The following KLF15 variants were observed in gnomAD, a reference collection of about 807,000 sequenced individuals.
KLF15 encodes Krueppel-like factor 15.
In KLF15, 4 loss-of-function variants were observed where a neutral mutation model predicts 24.6. That is an observed-to-expected ratio of 0.16 (90% CI 0.08 to 0.37). The LOEUF (loss-of-function observed/expected upper bound fraction) is 0.37, where lower values mean the gene tolerates loss of function less well. Among genes scored for constraint, KLF15 ranks in the 10% least tolerant of loss-of-function variants. The probability of loss-of-function intolerance (pLI) is 1.00; values close to 1 mark genes in which losing one functional copy is unlikely to be tolerated. For synonymous variants in KLF15, 246 were observed against 236.3 expected, an observed-to-expected ratio of 1.04 and a Z score of -0.37; for missense variants, 496 against 560.6, an observed-to-expected ratio of 0.88 and a Z score of 1.16.
At chr3:126,328,711 C>T in the KLF15 span, among the ~76,000 whole-genome samples, 2 of 152,162 alleles carry the variant, frequency 1.3e-5, no homozygotes, top group Non-Finnish European at 2.9e-5. Flanking sequence ...TAACTCTTTC[C>T]CCCATGCTTG....
the KLF15 span, among the ~76,000 whole-genome samples, chr3:126,299,993 G>C: frequency 9.9e-3 from 1,501 of 152,216 alleles, 70 homozygotes; most frequent in Admixed American, 0.087. Context: ...AACTCATATG[G>C]GGTGTACGTG....
the KLF15 span, among the ~76,000 whole-genome samples, chr3:126,333,553 T>C: frequency 4.1e-5 from 5 of 123,148 alleles, no homozygotes; most frequent in Admixed American, 1.7e-4. Context: ...AATGACAGGA[T>C]CAAATTCACA....
chr3:126,321,624 G>A, the KLF15 span, among the ~76,000 whole-genome samples: 1 of 152,244 alleles, frequency 6.6e-6, no homozygotes, highest in Non-Finnish European at 1.5e-5. Flanking sequence ...AACCCTGGAG[G>A]CCCCCTGTGC....
At chr3:126,333,886 T>A in the KLF15 span, among the ~76,000 whole-genome samples, 30 of 147,720 alleles carry the variant, frequency 2.0e-4, no homozygotes, top group Non-Finnish European at 3.8e-4. Context: ...CCTAAATATA[T>A]ATGCACCCAA....
At chr3:126,315,624 TCA>T in the KLF15 span, among the ~76,000 whole-genome samples, 2 of 152,148 alleles carry the variant, frequency 1.3e-5, no homozygotes, top group Non-Finnish European at 2.9e-5. Flanking sequence ...GCACACACTC[TCA>T]CAGCTCACAG....
At chr3:126,314,713 G>A in the KLF15 span, among the ~76,000 whole-genome samples, 3 of 152,232 alleles carry the variant, frequency 2.0e-5, no homozygotes, top group East Asian at 1.9e-4. Context: ...GAACAGAGGC[G>A]AAGTCCAGGG....
Position 126,356,389 on chromosome 3 carries a change from G to C in KLF15, c.-26+848C>G, listed in dbSNP as rs908299504. The stretch of plus-strand genomic sequence containing the variant: ...AAAACAGCCCCTCTGTGCCCTCCGT[G>C]AGAGGGGGGTTCCATGAGTAACACC... On this transcript the variant is annotated intron_variant, in intron 1 of 2. Transcript: ENST00000296233. This position sits in a 1 kb window ranked among gnomAD's most constrained non-coding sequence, Gnocchi z 4.4. 6.6e-6 allele frequency among the ~76,000 whole-genome samples: 1 copy of C among 152,134 alleles called. No homozygotes were observed. Among genetic ancestry groups the C allele is most frequent in the Non-Finnish European group, 1.5e-5 (1 of 68,020 alleles).
At chr3:126,326,864 CTT>C in the KLF15 span, among the ~76,000 whole-genome samples, 24 of 152,050 alleles carry the variant, frequency 1.6e-4, no homozygotes, top group African/African-American at 2.2e-4. Flanking sequence ...GATTGAATAA[CTT>C]ATAGTTGATT....
chr3:126,337,896 C>G (rs775990913), downstream of KLF15, among the ~76,000 whole-genome samples: 2 of 152,150 alleles, frequency 1.3e-5, no homozygotes, highest in South Asian at 2.1e-4. Context: ...GATGAAGGTG[C>G]TTTCAAGGCG....
At chr3:126,331,663 G>A in the KLF15 span, among the ~76,000 whole-genome samples, 2 of 152,338 alleles carry the variant, frequency 1.3e-5, no homozygotes, top group African/African-American at 4.8e-5. Flanking sequence ...CCCAGCGTGA[G>A]CGACGCAGAA....
chr3:126,323,910 T>A, the KLF15 span, among the ~76,000 whole-genome samples: 1 of 151,844 alleles, frequency 6.6e-6, no homozygotes, highest in Non-Finnish European at 1.5e-5. Flanking sequence ...CATTCCTTTT[T>A]ATGGCTGCAC....
intron 2 of KLF15, among the ~76,000 whole-genome samples, chr3:126,346,271 G>GC (rs898341375): frequency 2.0e-5 from 3 of 152,190 alleles, no homozygotes; most frequent in Non-Finnish European, 4.4e-5. Context: ...GACACAGAGT[G>GC]CCACGCCTCC....
In KLF15 at chr3:126,352,554, G is replaced by A. The variant is rs376693723; in HGVS notation, c.369C>T (p.Pro123=). The part of the protein sequence containing the change: ...APVKGEHFCL[P]EFPLGDPDDV... Reference sequence around the variant, plus strand: ...CATCAGGATCACCCAAAGGAAACTCGGGCAAGCAGAAATGCTCCCCCTTCA... The same window carrying A: ...CATCAGGATCACCCAAAGGAAACTCAGGCAAGCAGAAATGCTCCCCCTTCA... Residue 123 remains proline, a synonymous_variant, in exon 2 of 3, where the codon CCC becomes CCT. Transcript: ENST00000296233. The A allele has an allele frequency of 3.8e-5, 61 of 1,612,768 alleles. No individual in the cohort carries two copies. Among genetic ancestry groups the A allele is most frequent in the Middle Eastern group, 3.3e-4 (2 of 6,084 alleles).
chr3:126,327,589 A>T, the KLF15 span, among the ~76,000 whole-genome samples: 3,963 of 152,168 alleles, frequency 0.026, 168 homozygotes, highest in African/African-American at 0.09. Flanking sequence ...CTTGCTGTTG[A>T]GGTCTGCAGT....
the KLF15 span, among the ~76,000 whole-genome samples, chr3:126,303,096 G>A: frequency 6.6e-6 from 1 of 152,170 alleles, no homozygotes; most frequent in South Asian, 2.1e-4. Flanking sequence ...TCACCTTCAA[G>A]TGATATTATG....
the KLF15 span, among the ~76,000 whole-genome samples, chr3:126,326,807 T>A: frequency 1.1e-4 from 17 of 152,316 alleles, no homozygotes; most frequent in South Asian, 3.5e-3. Flanking sequence ...TTAACTAGAG[T>A]TTAATTTTAA....
At chr3:126,296,377 T>G in the KLF15 span, among the ~76,000 whole-genome samples, 2 of 152,140 alleles carry the variant, frequency 1.3e-5, no homozygotes, top group African/African-American at 4.8e-5. Context: ...CCGGCTAATT[T>G]TTTGTATTTT....
chr3:126,330,463 GC>G, the KLF15 span, among the ~76,000 whole-genome samples: 1 of 152,030 alleles, frequency 6.6e-6, no homozygotes, highest in Non-Finnish European at 1.5e-5. Flanking sequence ...ATCATTTTCG[GC>G]CCTTCCGGAC....
chr3:126,298,793 T>C, the KLF15 span, among the ~76,000 whole-genome samples: 1 of 152,208 alleles, frequency 6.6e-6, no homozygotes, highest in Non-Finnish European at 1.5e-5. Flanking sequence ...TGGCTTTATT[T>C]CTGGGTTCTC....
Sources: gnomAD v4.1 joint callset for allele counts (sites outside exome capture counted in the v4.1 genomes callset) on GRCh38, gnomAD v4.1.1 for gene constraint, Gnocchi (gnomAD v3.1) non-coding constraint, MANE v1.5 for transcripts, NCBI Gene and HGNC (gene_info 2026-07-23, HGNC 2026-07-21) for gene names.